Variants in UBE3D observed in about 807,000 individuals in gnomAD.
The protein encoded by UBE3D is E3 ubiquitin-protein ligase E3D.
UBE3D carries 48 observed loss-of-function variants against 49.6 expected under a neutral mutation model. The observed-to-expected ratio is 0.97, with a 90% CI of 0.77 to 1.23. The LOEUF is 1.23. Ranked by LOEUF, UBE3D falls within the 50% of genes most tolerant of loss-of-function variation. The pLI is 0.00. For missense variants in UBE3D, 452 were observed against 468.4 expected, an observed-to-expected ratio of 0.96 and a Z score of 0.32; for synonymous variants, 189 against 174.2, an observed-to-expected ratio of 1.08 and a Z score of -0.67.
intron 8 of UBE3D, among the ~76,000 whole-genome samples, chr6:83,013,772 C>T (rs1433288554): frequency 1.3e-5 from 2 of 151,922 alleles, no homozygotes; most frequent in Non-Finnish European, 1.5e-5. Context: ...GGATTTATTT[C>T]CCATCCTCTG....
At chr6:82,923,436 A>G (rs917765725) in intron 9 of UBE3D, among the ~76,000 whole-genome samples, 6 of 152,224 alleles carry the variant, frequency 3.9e-5, no homozygotes, top group Non-Finnish European at 8.8e-5. Context: ...AGAAACCATC[A>G]TTCTCAGCAA....
intron 1 of UBE3D, among the ~76,000 whole-genome samples, chr6:83,061,753 C>G (rs919178319): frequency 6.6e-6 from 1 of 152,186 alleles, no homozygotes; most frequent in Non-Finnish European, 1.5e-5. Context: ...CCAAAGAAAT[C>G]AACAAATGCT....
chr6:83,023,998 T>A lies in UBE3D; in HGVS notation c.708A>T (p.Ser236=). Residue 236 remains serine, a synonymous_variant, in exon 6 of 10, where the codon TCA becomes TCT. Transcript: ENST00000369747. The part of the protein sequence containing the change: ...KFYMTEIIIQ[S]SERSFPIIPR... ...GTATGATAGGAAAACTCCTCTCAGA[T>A]GACTGAATAATTATCTCTGTCATAT... 3 of 1,537,994 alleles carry A rather than the reference T, an allele frequency of 2.0e-6. No individual in the cohort carries two copies. The highest frequency in any genetic ancestry group is 2.6e-6 in the Non-Finnish European group (3 of 1,150,274).
intron 3 of UBE3D, among the ~76,000 whole-genome samples, chr6:83,050,859 T>C (rs1223172301): frequency 6.8e-6 from 1 of 147,150 alleles, no homozygotes; most frequent in East Asian, 2.0e-4. Flanking sequence ...GGCATGCATA[T>C]GCCAGGCACA....
intron 9 of UBE3D, among the ~76,000 whole-genome samples, chr6:82,931,003 G>A (rs1484690226): frequency 6.6e-6 from 1 of 152,136 alleles, no homozygotes; most frequent in African/African-American, 2.4e-5. Context: ...ATGGTTTCGT[G>A]GGCCAGGCCC....
chr6:82,954,121 C>A (rs973580463), intron 9 of UBE3D, among the ~76,000 whole-genome samples: 4 of 152,120 alleles, frequency 2.6e-5, no homozygotes, highest in African/African-American at 4.8e-5. Flanking sequence ...GCCTTATTGG[C>A]CAAGATAAGG....
downstream of UBE3D, chr6:82,892,356 C>T (rs1404645369): frequency 1.3e-5 from 2 of 153,930 alleles, no homozygotes; most frequent in Admixed American, 6.4e-5. Context: ...TTCCTCACCG[C>T]TTGTGCTGGT....
intron 4 of UBE3D, among the ~76,000 whole-genome samples, chr6:83,040,325 A>T (rs1246899104): frequency 1.3e-5 from 2 of 151,960 alleles, no homozygotes; most frequent in Non-Finnish European, 2.9e-5. Flanking sequence ...GGAAGGTTGC[A>T]GTGAGCCGAG....
At chr6:83,065,527 C>T in intron 1 of UBE3D, 115 bp downstream of exon 1, 1 of 977,126 alleles carries the variant, frequency 1.0e-6, no homozygotes. Flanking sequence ...AGAGGCTCTA[C>T]GCAACTGGAA....
intron 8 of UBE3D, among the ~76,000 whole-genome samples, chr6:82,960,181 C>T: frequency 6.6e-6 from 1 of 152,132 alleles, no homozygotes; most frequent in East Asian, 1.9e-4. Context: ...TCCTTCACTC[C>T]TTCATAGGCA....
intron 5 of UBE3D, among the ~76,000 whole-genome samples, chr6:83,033,292 T>G (rs1782010537): frequency 6.6e-6 from 1 of 152,122 alleles, no homozygotes; most frequent in African/African-American, 2.4e-5. Flanking sequence ...CCCACCACAC[T>G]CTACCTCAAA....
intron 5 of UBE3D, among the ~76,000 whole-genome samples, chr6:83,032,045 G>A (rs981616013): frequency 6.6e-6 from 1 of 152,234 alleles, no homozygotes; most frequent in Admixed American, 6.5e-5. Context: ...CTCTGTTAGG[G>A]CAGTGCAGAA....
chr6:82,980,529 T>C (rs1477774857), intron 8 of UBE3D, among the ~76,000 whole-genome samples: 2 of 152,124 alleles, frequency 1.3e-5, no homozygotes, highest in Non-Finnish European at 2.9e-5. Flanking sequence ...CTTCATGTTA[T>C]CTGTTCACTA....
At chr6:82,941,292 A>G (rs1774993307) in intron 9 of UBE3D, among the ~76,000 whole-genome samples, 1 of 151,526 alleles carries the variant, frequency 6.6e-6, no homozygotes, top group African/African-American at 2.4e-5. Flanking sequence ...GAATTTTCCA[A>G]TTTTTTTTAT....
chr6:82,991,728 A>T (rs1778897637), intron 8 of UBE3D, among the ~76,000 whole-genome samples: 2 of 152,164 alleles, frequency 1.3e-5, no homozygotes. Flanking sequence ...AAGCATAGCA[A>T]TCCCTGAGCA....
chr6:82,942,792 C>A (rs1484240125), intron 9 of UBE3D, among the ~76,000 whole-genome samples: 1 of 152,228 alleles, frequency 6.6e-6, no homozygotes, highest in Admixed American at 6.5e-5. Context: ...AGGCACAGAG[C>A]CCTTACGGAG....
intron 9 of UBE3D, among the ~76,000 whole-genome samples, chr6:82,923,875 AG>A (rs1266165841): frequency 1.3e-5 from 2 of 152,206 alleles, no homozygotes; most frequent in Non-Finnish European, 2.9e-5. Context: ...AAATTATTAC[AG>A]GTAATTCACC....
chr6:82,997,516 G>C (rs992020058), intron 8 of UBE3D, among the ~76,000 whole-genome samples: 1 of 152,046 alleles, frequency 6.6e-6, no homozygotes, highest in African/African-American at 2.4e-5. Flanking sequence ...TCAGGAGATC[G>C]AGACCGGCCT....
intron 1 of UBE3D, among the ~76,000 whole-genome samples, chr6:83,061,797 T>C (rs1214669383): frequency 6.6e-6 from 1 of 152,192 alleles, no homozygotes; most frequent in Non-Finnish European, 1.5e-5. Flanking sequence ...TTTTTGTTTA[T>C]TTTCATGGAG....
Sources: allele counts gnomAD v4.1 joint callset (sites outside exome capture counted in the v4.1 genomes callset), GRCh38; gene constraint gnomAD v4.1.1; transcripts MANE v1.5; gene names NCBI Gene and HGNC (gene_info 2026-07-23, HGNC 2026-07-21).